The following ANKRD18B variants were observed in gnomAD, a reference collection of about 807,000 sequenced individuals.
ANKRD18B encodes ankyrin repeat domain-containing protein 18B.
Under a neutral mutation model 111.8 loss-of-function variants are expected in ANKRD18B, and 75 were observed. That is an observed-to-expected ratio of 0.67 (90% CI 0.56 to 0.81). The LOEUF is 0.81. Ranked by LOEUF, ANKRD18B falls within the 40% of genes least tolerant of loss-of-function variation. ANKRD18B has a pLI of 0.00. For synonymous variants in ANKRD18B, 356 were observed against 417.3 expected, an observed-to-expected ratio of 0.85 and a Z score of 1.79; for missense variants, 1,038 against 1,225.5, an observed-to-expected ratio of 0.85 and a Z score of 2.28.
At chr9:33,567,933 G>A (rs1828711654) in intron 16 of ANKRD18B, among the ~76,000 whole-genome samples, 1 of 152,240 alleles carries the variant, frequency 6.6e-6, no homozygotes, top group Admixed American at 6.5e-5. Context: ...ACCTTGTTCA[G>A]CCTGAAGGGC....
rs142285951 is a variant in ANKRD18B at position 33,536,852 on chromosome 9, A to G, written c.741-26A>G. The G allele has an allele frequency of 5.4e-4, 718 of 1,323,466 alleles. 4 individuals are homozygous for G. The African/African-American group carries it at 1.0e-2, about 18-fold the overall frequency. 82.0% of individuals were successfully genotyped at this position (1,323,466 alleles called of 1,614,324 possible). On this transcript the variant is annotated intron_variant, in intron 5 of 18. Transcript: ENST00000684830. ...TTTTTCATATCACTATTAAAATACTAATTTTATTACATTTATTATGCATAG... is the reference window on the plus strand; with the variant it reads ...TTTTTCATATCACTATTAAAATACTGATTTTATTACATTTATTATGCATAG...
At chr9:33,561,339 T>C (rs1563907718) in intron 14 of ANKRD18B, among the ~76,000 whole-genome samples, 1 of 152,252 alleles carries the variant, frequency 6.6e-6, no homozygotes, top group Non-Finnish European at 1.5e-5. Flanking sequence ...ATATCTTCTT[T>C]GCAGAAATAT....
At position 33,548,585 on chromosome 9, in the gene ANKRD18B, G is replaced by A. The variant is rs1587267425; in HGVS notation, c.1797G>A (p.Gly599=). The A allele has an allele frequency of 6.4e-7, 1 of 1,551,362 alleles. No individual in the cohort carries two copies. Among genetic ancestry groups the A allele is most frequent in the Non-Finnish European group, 8.7e-7 (1 of 1,146,684 alleles). ...AAATGAAGCAGATGCATCCAAATGG[G>A]GAAGCTAAAGAAAGTCAATCCATTG... The part of the protein sequence containing the change: ...IKEMKQMHPN[G]EAKESQSIGK... Residue 599 remains glycine, a synonymous_variant, in exon 11 of 19, where the codon GGG becomes GGA. Transcript: ENST00000684830.
rs1828434437 is a variant in ANKRD18B, at chr9:33,550,702, A to ATTACCATTTTATTATCT, written c.2217+127_2217+143dup. On this transcript the variant is annotated intron_variant, in intron 12 of 18. Transcript: ENST00000684830. ...TTTTGTATTTTCATTATAATTGATC[A>ATTACCATTTTATTATCT]TTACCATTTTATTATCTTTATAACG... The ATTACCATTTTATTATCT allele has an allele frequency of 2.9e-6, 3 of 1,020,816 alleles. No individual in the cohort carries two copies. The South Asian group carries it at 1.1e-4, about 38-fold the overall frequency. 63.2% of individuals were successfully genotyped at this position (1,020,816 alleles called of 1,614,324 possible).
rs772866891 is a variant in ANKRD18B, at chr9:33,529,166, T to C, written c.488T>C (p.Leu163Pro). 3 of 1,610,712 alleles carry C rather than the reference T, an allele frequency of 1.9e-6. No homozygotes were observed. Among genetic ancestry groups the C allele is most frequent in the South Asian group, 1.1e-5 (1 of 90,708 alleles). The stretch of plus-strand genomic sequence containing the variant: ...TCCCACCATGCAAATATTGAAGCAC[T>C]AAACAAGGTACAGATCAATCAACTT... The part of the protein sequence containing the change: ...LLSHHANIEA[L>P]NKEGNTPLLF... Residue 163 changes from leucine to proline, a missense_variant, in exon 3 of 19, where the codon CTA becomes CCA. This residue lies in a region of ANKRD18B where 93 missense variants were observed against 141.3 expected (regional missense o/e 0.66). Coordinates refer to ENST00000684830, the MANE Select transcript of ANKRD18B (RefSeq NM_001393611.1).
intron 14 of ANKRD18B, among the ~76,000 whole-genome samples, chr9:33,560,961 T>C (rs1255053539): frequency 6.6e-6 from 1 of 152,138 alleles, no homozygotes; most frequent in Non-Finnish European, 1.5e-5. Flanking sequence ...CAAGACTCCG[T>C]CTCAAAAAAA....
At chr9:33,558,645 G>T (rs192683831) in intron 14 of ANKRD18B, among the ~76,000 whole-genome samples, 9 of 152,196 alleles carry the variant, frequency 5.9e-5, no homozygotes, top group Admixed American at 3.9e-4. Flanking sequence ...GAATAGTGCT[G>T]CAATGAACAT....
chr9:33,529,247 T>G (rs1011579650), intron 3 of ANKRD18B, 74 bp downstream of exon 3: 10 of 1,480,056 alleles, frequency 6.8e-6, no homozygotes, highest in Non-Finnish European at 8.1e-6. Flanking sequence ...TTTTTCATAT[T>G]TGGAACTCAA....
At chr9:33,544,775 T>C (rs1056194331) in intron 10 of ANKRD18B, among the ~76,000 whole-genome samples, 4 of 152,074 alleles carry the variant, frequency 2.6e-5, no homozygotes, top group African/African-American at 9.7e-5. Flanking sequence ...AGGCAGAGGT[T>C]GTGTTGAGCC....
Position 33,566,224 on chromosome 9 carries a change from T to G in ANKRD18B, c.2466T>G (p.Asp822Glu). The change falls in exon 15 of 19, where the codon GAT (aspartate) becomes GAG (glutamate). Residue 822 changes from aspartate to glutamate, a missense_variant. Physicochemically the swap from Asp to Glu is conservative, Grantham distance 45. Coordinates refer to ENST00000684830, the MANE Select transcript of ANKRD18B (RefSeq NM_001393611.1). Reference sequence around the variant, plus strand: ...CTATTATTTTATTAATGCAGTTTGATGATCTTATGGCCGAGAAGGAAGCTG... The same window carrying G: ...CTATTATTTTATTAATGCAGTTTGAGGATCTTATGGCCGAGAAGGAAGCTG... ...ILFKKLKQKF[D>E]DLMAEKEAVS... 6.4e-7 allele frequency: 1 copy of G among 1,552,526 alleles called. No homozygotes were observed. Among genetic ancestry groups the G allele is most frequent in the South Asian group, 1.2e-5 (1 of 83,434 alleles).
At chr9:33,545,593 T>A (rs1352561088) in intron 10 of ANKRD18B, among the ~76,000 whole-genome samples, 1 of 152,210 alleles carries the variant, frequency 6.6e-6, no homozygotes, top group Non-Finnish European at 1.5e-5. Flanking sequence ...GACCCACATA[T>A]GACAGTCCCA....
chr9:33,535,538 C>T lies in ANKRD18B; in HGVS notation c.740+1031C>T, dbSNP rs180885364. Among the ~76,000 whole-genome samples, 409 of 151,740 alleles carry T rather than the reference C, an allele frequency of 2.7e-3. 3 individuals are homozygous for T. The highest frequency in any genetic ancestry group is 9.3e-3 in the African/African-American group (383 of 41,394). On this transcript the variant is annotated intron_variant, in intron 5 of 18. Coordinates refer to ENST00000684830, the MANE Select transcript of ANKRD18B (RefSeq NM_001393611.1). Reference sequence around the variant, plus strand: ...TCCTGACCTTGTGATCCACCTGCCTCGGCCTCCTAAAGTGCTGTGATTACA... The same window carrying T: ...TCCTGACCTTGTGATCCACCTGCCTTGGCCTCCTAAAGTGCTGTGATTACA...
At chr9:33,540,385 GC>G (rs1175858332) in intron 8 of ANKRD18B, among the ~76,000 whole-genome samples, 173 bp downstream of exon 8, 1 of 152,134 alleles carries the variant, frequency 6.6e-6, no homozygotes, top group Non-Finnish European at 1.5e-5. Flanking sequence ...CACACCACAT[GC>G]TCATTCCTAA....
chr9:33,529,218 T>C, intron 3 of ANKRD18B, 45 bp downstream of exon 3: 1 of 1,550,272 alleles, frequency 6.5e-7, no homozygotes, highest in Non-Finnish European at 8.7e-7. Flanking sequence ...GTTTTAATAT[T>C]GACATAGGTA....
At position 33,530,504 on chromosome 9, in the gene ANKRD18B, CT is replaced by C. The variant is rs1828096441; in HGVS notation, c.495+1333del. Among the ~76,000 whole-genome samples, 4 of 122,426 alleles carry C rather than the reference CT, an allele frequency of 3.3e-5. 1 individual carries two copies. The South Asian group carries it at 1.2e-3, about 37-fold the overall frequency. 80.3% of individuals were successfully genotyped at this position (122,426 alleles called of 152,430 possible). ...TCTACTAAAAATACATAGTAAGACT[CT>C]TGTCTCTTACCACAACAAGAGCAAA... is the stretch of plus-strand genomic sequence containing the variant. On this transcript the variant is annotated intron_variant, in intron 3 of 18. Transcript: ENST00000684830.
rs756715720 is a variant in ANKRD18B, at chr9:33,528,731, G to A, written c.211G>A (p.Val71Ile). 1 of 1,610,050 alleles carries A rather than the reference G, an allele frequency of 6.2e-7. No homozygotes were observed. Among genetic ancestry groups the A allele is most frequent in the South Asian group, 1.1e-5 (1 of 90,376 alleles). The change falls in exon 2 of 19, where the codon GTT (valine) becomes ATT (isoleucine). Residue 71 changes from valine to isoleucine, a missense_variant. Transcript: ENST00000684830. ...AAACCCCTCTCGCTCTCCTAGGACT[G>A]TTCTACATTTGGCCTGTGCCCATGG... ...LDVRDRKDRT[V>I]LHLACAHGRV...
intron 14 of ANKRD18B, among the ~76,000 whole-genome samples, chr9:33,559,342 G>T (rs1474985732): frequency 2.6e-5 from 4 of 152,038 alleles, no homozygotes; most frequent in Non-Finnish European, 4.4e-5. Context: ...CAATCTCTTG[G>T]CCCTGCAACA....
chr9:33,541,277 A>G, intron 9 of ANKRD18B, 50 bp downstream of exon 9: 1 of 1,519,824 alleles, frequency 6.6e-7, no homozygotes, highest in South Asian at 1.3e-5. Context: ...AGACTGGGAG[A>G]CAAGGGAAGC....
rs1022768325 is a variant in ANKRD18B, at chr9:33,568,929, T to C, written c.3177+36T>C. 3 of 1,469,642 alleles carry C rather than the reference T, an allele frequency of 2.0e-6. No individual in the cohort carries two copies. The African/African-American group carries it at 4.3e-5, about 21-fold the overall frequency. The allele number at this position is 1,469,642 out of a possible 1,614,324, so 91.0% of individuals were successfully genotyped here. ...TGACCATTTCTCTTTTGGGTTTCAT[T>C]TCTCTAATATAATTCTTGTTTATAA... is the stretch of plus-strand genomic sequence containing the variant. On this transcript the variant is annotated intron_variant, in intron 17 of 18. Coordinates refer to ENST00000684830, the MANE Select transcript of ANKRD18B (RefSeq NM_001393611.1).
Sources: gnomAD v4.1 joint callset for allele counts (sites outside exome capture counted in the v4.1 genomes callset) on GRCh38, gnomAD v4.1.1 for gene constraint, gnomAD v4.1.1 regional missense constraint, MANE v1.5 for transcripts, NCBI Gene and HGNC (gene_info 2026-07-23, HGNC 2026-07-21) for gene names.